The following SPATA18 variants were observed in gnomAD, a reference collection of about 807,000 sequenced individuals.
SPATA18 encodes the protein spermatogenesis associated 18, also known as mitochondria-eating protein.
Under a neutral mutation model 68.1 loss-of-function variants are expected in SPATA18, and 54 were observed. That is an observed-to-expected ratio of 0.79 (90% CI 0.64 to 0.99). The LOEUF (loss-of-function observed/expected upper bound fraction) is 0.99. Among genes scored for constraint, SPATA18 ranks in the 50% least tolerant of loss-of-function variants. The probability of loss-of-function intolerance (pLI) is 0.00; values close to 1 mark genes in which losing one functional copy is unlikely to be tolerated. For synonymous variants in SPATA18, 242 were observed against 244.8 expected, an observed-to-expected ratio of 0.99 and a Z score of 0.11; for missense variants, 724 against 681.1, an observed-to-expected ratio of 1.06 and a Z score of -0.70.
At chr4:52,079,012 G>A in intron 8 of SPATA18, 119 bp downstream of exon 8, 1 of 1,107,706 alleles carries the variant, frequency 9.0e-7, no homozygotes, top group Non-Finnish European at 1.2e-6. Context: ...TGAAAAAGAA[G>A]AAAGGAACAG....
intron 5 of SPATA18, among the ~76,000 whole-genome samples, chr4:52,070,832 A>G (rs1235046946): frequency 6.6e-6 from 1 of 151,992 alleles, no homozygotes; most frequent in South Asian, 2.1e-4. Context: ...AAATAAGGTT[A>G]TACCTTCCTG....
Position 52,064,105 on chromosome 4 carries a change from T to A in SPATA18, c.422+1773T>A, listed in dbSNP as rs569104537. ...TTCAAACACAGCAAATCTGCTAGAATAGCGCTAAACATTTCCATATGCCCT... is the reference window on the plus strand; with the variant it reads ...TTCAAACACAGCAAATCTGCTAGAAAAGCGCTAAACATTTCCATATGCCCT... On this transcript the variant is annotated intron_variant, in intron 4 of 12. Coordinates refer to ENST00000295213, the MANE Select transcript of SPATA18 (RefSeq NM_145263.4). Among the ~76,000 whole-genome samples, 16 of 152,216 alleles carry A rather than the reference T, an allele frequency of 1.1e-4. No homozygotes were observed. The South Asian group carries it at 3.3e-3, about 32-fold the overall frequency.
At chr4:52,072,753 T>G (rs1444318939) in intron 6 of SPATA18, among the ~76,000 whole-genome samples, 1 of 152,152 alleles carries the variant, frequency 6.6e-6, no homozygotes, top group African/African-American at 2.4e-5. Context: ...AGGCCTATGG[T>G]GCAAGAGGTG....
chr4:52,064,901 G>C (rs1739190695), intron 4 of SPATA18, among the ~76,000 whole-genome samples: 1 of 152,182 alleles, frequency 6.6e-6, no homozygotes, highest in South Asian at 2.1e-4. Flanking sequence ...CTGCATAAAA[G>C]TGTTCCCTTT....
At chr4:52,091,912 A>G (rs1481574116) in intron 11 of SPATA18, among the ~76,000 whole-genome samples, 1 of 152,184 alleles carries the variant, frequency 6.6e-6, no homozygotes, top group Admixed American at 6.5e-5. Flanking sequence ...CTGTCCAAAG[A>G]GGAGCAATCT....
intron 11 of SPATA18, among the ~76,000 whole-genome samples, chr4:52,085,705 A>T (rs2109516330): frequency 6.6e-6 from 1 of 152,144 alleles, no homozygotes; most frequent in East Asian, 1.9e-4. Flanking sequence ...CCTATAAAAC[A>T]AAACAAAAAT....
In SPATA18 at chr4:52,076,964, T is replaced by C; in HGVS notation, c.944T>C (p.Leu315Pro). 1 of 1,614,106 alleles carries C rather than the reference T, an allele frequency of 6.2e-7. No homozygotes were observed. The highest frequency in any genetic ancestry group is 8.5e-7 in the Non-Finnish European group (1 of 1,180,002). ...AGCGATTCCTATTCCCAGGCCCGCCTGGACGCGCAGTGCCTGCTGCGGCGC... is the reference window on the plus strand; with the variant it reads ...AGCGATTCCTATTCCCAGGCCCGCCCGGACGCGCAGTGCCTGCTGCGGCGC... Reference protein sequence around the residue: ...RFSDSYSQARLDAQCLLRRCI... With the variant: ...RFSDSYSQARPDAQCLLRRCI... Residue 315 changes from leucine to proline, a missense_variant, in exon 7 of 13, where the codon CTG (leucine) becomes CCG (proline). Leu to Pro is a moderately conservative substitution (Grantham distance 98, BLOSUM62 -3). Coordinates refer to ENST00000295213, the MANE Select transcript of SPATA18 (RefSeq NM_145263.4).
chr4:52,080,743 A>G (rs1740848002), intron 9 of SPATA18, among the ~76,000 whole-genome samples: 1 of 152,130 alleles, frequency 6.6e-6, no homozygotes, highest in South Asian at 2.1e-4. Context: ...AATAATGCCT[A>G]CTTCCTAGGG....
At chr4:52,056,290 G>A (rs560301049) in intron 1 of SPATA18, among the ~76,000 whole-genome samples, 167 of 152,274 alleles carry the variant, frequency 1.1e-3, no homozygotes, top group African/African-American at 3.8e-3. Context: ...CTGCTTTGGG[G>A]AAAGCATTGT....
chr4:52,051,852 T>A, intron 1 of SPATA18, 61 bp downstream of exon 1: 1 of 1,499,560 alleles, frequency 6.7e-7, no homozygotes, highest in Non-Finnish European at 9.2e-7. Context: ...ACAGCCCTTG[T>A]CGGGGATTTC....
At chr4:52,058,650 AG>A (rs1453930810) in intron 1 of SPATA18, among the ~76,000 whole-genome samples, 2 of 152,142 alleles carry the variant, frequency 1.3e-5, no homozygotes, top group African/African-American at 4.8e-5. Flanking sequence ...GGAATACTCA[AG>A]GGTCCCCTCC....
At chr4:52,062,034 C>T (rs1220142103) in intron 3 of SPATA18, among the ~76,000 whole-genome samples, 186 bp from the exon 4 acceptor site, 2 of 152,136 alleles carry the variant, frequency 1.3e-5, no homozygotes, top group East Asian at 3.8e-4. Context: ...TTTCTTGCAC[C>T]TTCCCCAGGG....
chr4:52,082,747 A>T, intron 10 of SPATA18: 1 of 1,349,212 alleles, frequency 7.4e-7, no homozygotes, highest in Non-Finnish European at 9.5e-7. Context: ...AGGAGATGGA[A>T]TCAGTCATAT....
intron 9 of SPATA18, among the ~76,000 whole-genome samples, chr4:52,080,983 C>A (rs984803531): frequency 3.9e-5 from 6 of 152,200 alleles, no homozygotes; most frequent in African/African-American, 1.4e-4. Context: ...TGCCTTATAG[C>A]ATGTAATATT....
At position 52,078,809 on chromosome 4, in the gene SPATA18, T is replaced by C. The variant is rs550136882; in HGVS notation, c.1095T>C (p.Tyr365=). The stretch of plus-strand genomic sequence containing the variant: ...TGAGAAAATCGTTGACACCATCTTA[T>C]GTGGGGTCGAATGACTTTGAGAATG... ...IHVRKSLTPS[Y]VGSNDFENAV... Residue 365 remains tyrosine, a synonymous_variant, in exon 8 of 13, where the codon TAT becomes TAC. Transcript: ENST00000295213. The C allele has an allele frequency of 1.9e-6, 3 of 1,609,942 alleles. No individual in the cohort carries two copies. The highest frequency in any genetic ancestry group is 1.7e-5 in the Admixed American group (1 of 59,984).
chr4:52,072,657 C>T (rs1306238837), intron 6 of SPATA18, among the ~76,000 whole-genome samples: 5 of 152,166 alleles, frequency 3.3e-5, no homozygotes, highest in African/African-American at 9.7e-5. Context: ...CTGCCTGCCT[C>T]CACCTCCCAA....
At position 52,072,889 on chromosome 4, in the gene SPATA18, G is replaced by A. The variant is rs552559489; in HGVS notation, c.758+733G>A. ...TTCCCTTTTATATCTGACTTTGATG[G>A]CATGTGTAGGTGAAGTGTTCTTGTG... On this transcript the variant is annotated intron_variant, in intron 6 of 12. Transcript: ENST00000295213. Among the ~76,000 whole-genome samples, 116 of 152,286 alleles carry A rather than the reference G, an allele frequency of 7.6e-4. 1 individual carries two copies. In the South Asian group the frequency reaches 0.023, roughly 30 times the overall value.
rs771954200 is a variant in SPATA18 at position 52,077,059 on chromosome 4, A to ACT, written c.1020+21_1020+22dup. On this transcript the variant is annotated intron_variant, in intron 7 of 12. Coordinates refer to ENST00000295213, the MANE Select transcript of SPATA18 (RefSeq NM_145263.4). ...CACAGTGGTATGTGACGCCTGCGGG[A>ACT]CTCCCGGCTCCTTAGGGCAGCCGGG... 7 of 1,576,402 alleles carry ACT rather than the reference A, an allele frequency of 4.4e-6. No individual in the cohort carries two copies. Among genetic ancestry groups the ACT allele is most frequent in the African/African-American group, 1.4e-5 (1 of 73,794 alleles).
chr4:52,064,825 T>C (rs1330332292), intron 4 of SPATA18, among the ~76,000 whole-genome samples: 1 of 152,242 alleles, frequency 6.6e-6, no homozygotes. Context: ...ATTGTAGTTC[T>C]ACTTTTAGTT....
Sources: allele counts gnomAD v4.1 joint callset (sites outside exome capture counted in the v4.1 genomes callset), GRCh38; gene constraint gnomAD v4.1.1; transcripts MANE v1.5; gene names NCBI Gene and HGNC (gene_info 2026-07-23, HGNC 2026-07-21).